PARD3B: variants seen among roughly 807,000 people sequenced by gnomAD.
PARD3B encodes par-3 family cell polarity regulator beta.
A neutral mutation model predicts 130.2 loss-of-function variants in PARD3B; 103 were observed. The ratio of observed to expected loss-of-function variants is 0.79; its 90% confidence interval spans 0.67 to 0.93. The LOEUF (loss-of-function observed/expected upper bound fraction) is 0.93. Among genes scored for constraint, PARD3B ranks in the 40% least tolerant of loss-of-function variants. PARD3B has a pLI of 0.00. For missense variants in PARD3B, 1,609 were observed against 1,499.2 expected (o/e 1.07, Z -1.21); for synonymous variants, 583 against 553.2 (o/e 1.05, Z -0.76).
chr2:205,243,132 C>T (rs948272998), intron 15 of PARD3B, among the ~76,000 whole-genome samples: 2 of 151,828 alleles, frequency 1.3e-5, no homozygotes, highest in Admixed American at 1.3e-4. Flanking sequence ...TGCCATTGCA[C>T]TTTAGCCTGG....
chr2:204,601,121 A>C (rs1034195375), intron 1 of PARD3B, among the ~76,000 whole-genome samples: 2 of 151,982 alleles, frequency 1.3e-5, no homozygotes, highest in African/African-American at 4.8e-5. Flanking sequence ...CTTCTCATGC[A>C]TATAACCTCG....
At chr2:205,317,232 A>G (rs1249719149) in intron 18 of PARD3B, among the ~76,000 whole-genome samples, 4 of 152,194 alleles carry the variant, frequency 2.6e-5, no homozygotes, top group Non-Finnish European at 1.5e-5. Context: ...GCCTTCTTGA[A>G]TGAAAGTTTT....
Position 205,125,703 on chromosome 2 carries a change from C to T in PARD3B, c.1400C>T (p.Ala467Val), listed in dbSNP as rs2031304682. ...GGGGAGACAGCATCGCTGGTCATTG[C>T]CCGCCAAGAAGGACATTTTCTGCCC... ...KQGETASLVI[A>V]RQEGHFLPRE... The change falls in exon 10 of 23, where the codon GCC becomes GTC. Residue 467 changes from alanine (A) to valine (V), a missense_variant. Ala to Val is a moderately conservative substitution (Grantham distance 64). Transcript: ENST00000406610. This position sits in a 1 kb window ranked among gnomAD's most constrained non-coding sequence, Gnocchi z 4.0. The T allele has an allele frequency of 2.5e-6, 4 of 1,614,128 alleles. No individual in the cohort carries two copies. The highest frequency in any genetic ancestry group is 3.4e-6 in the Non-Finnish European group (4 of 1,180,030).
In PARD3B at chr2:205,000,032, T is replaced by TA. The variant is rs111730004; in HGVS notation, c.394+34710dup. On this transcript the variant is annotated intron_variant, in intron 3 of 22. Transcript: ENST00000406610. ...TCAAGTCACAGGGTTTTTTTTTTTT[T>TA]ATCGTGCTCCTTTTGCCTGTGTGGA... 1.2e-4 allele frequency among the ~76,000 whole-genome samples: 18 copies of TA among 152,130 alleles called. 2 individuals carry two copies. Among genetic ancestry groups the TA allele is most frequent in the African/African-American group, 3.4e-4 (14 of 41,494 alleles).
chr2:205,489,565 T>TAC (rs1234367525), intron 20 of PARD3B, among the ~76,000 whole-genome samples: 1 of 146,206 alleles, frequency 6.8e-6, no homozygotes, highest in Admixed American at 6.9e-5. Context: ...TATACATATA[T>TAC]ATACACACAC....
At position 205,146,941 on chromosome 2, in the gene PARD3B, C is replaced by A. The variant is rs970226593; in HGVS notation, c.1435-11781C>A. ...ATGTTGGCCAGGCTGGTCTCGAACT[C>A]CTGACCTCAAGTGTTCTGCCTGCCT... is the stretch of plus-strand genomic sequence containing the variant. On this transcript the variant is annotated intron_variant, in intron 10 of 22. Coordinates refer to ENST00000406610, the MANE Select transcript of PARD3B (RefSeq NM_001302769.2). The surrounding 1 kb of genome is among the most constrained non-coding windows in gnomAD (Gnocchi z 4.3). 2.0e-5 allele frequency among the ~76,000 whole-genome samples: 3 copies of A among 152,034 alleles called. No homozygotes were observed. Among genetic ancestry groups the A allele is most frequent in the Admixed American group, 6.6e-5 (1 of 15,266 alleles).
chr2:204,868,443 A>G (rs1188518009), intron 2 of PARD3B, among the ~76,000 whole-genome samples: 1 of 152,144 alleles, frequency 6.6e-6, no homozygotes, highest in South Asian at 2.1e-4. Context: ...AGGATGTTGT[A>G]CATAATATAT....
At chr2:205,238,375 G>C (rs1015348334) in intron 15 of PARD3B, among the ~76,000 whole-genome samples, 1 of 152,168 alleles carries the variant, frequency 6.6e-6, no homozygotes, top group Non-Finnish European at 1.5e-5. Flanking sequence ...GGTTGCTGAG[G>C]CAGGAGGATC....
At chr2:204,762,094 CT>C (rs1359966745) in intron 2 of PARD3B, among the ~76,000 whole-genome samples, 1 of 127,798 alleles carries the variant, frequency 7.8e-6, no homozygotes, top group East Asian at 2.2e-4. Flanking sequence ...TAAAGATTTT[CT>C]TTTCTTTTCC....
chr2:205,425,523 A>G (rs1186962015), intron 19 of PARD3B, among the ~76,000 whole-genome samples: 1 of 147,332 alleles, frequency 6.8e-6, no homozygotes, highest in Non-Finnish European at 1.5e-5. Context: ...AAATCCCATT[A>G]GTTTAGAATA....
At chr2:205,068,005 G>A (rs1410489165) in intron 4 of PARD3B, among the ~76,000 whole-genome samples, 1 of 152,122 alleles carries the variant, frequency 6.6e-6, no homozygotes, top group Non-Finnish European at 1.5e-5. Flanking sequence ...AAAGAATTAA[G>A]GTTCATGCTT....
intron 18 of PARD3B, among the ~76,000 whole-genome samples, chr2:205,306,421 A>T (rs1451608797): frequency 6.6e-6 from 1 of 152,218 alleles, no homozygotes; most frequent in East Asian, 1.9e-4. Flanking sequence ...TAAAATATTT[A>T]ACTAAAATAG....
chr2:205,380,125 T>TATATAAAGA (rs2045260370), intron 18 of PARD3B, among the ~76,000 whole-genome samples: 1 of 97,330 alleles, frequency 1.0e-5, no homozygotes, highest in East Asian at 3.2e-4. Flanking sequence ...CATAATATAT[T>TATATAAAGA]ATATATATTA....
At chr2:204,707,178 A>G (rs1042082111) in intron 2 of PARD3B, among the ~76,000 whole-genome samples, 7 of 152,170 alleles carry the variant, frequency 4.6e-5, no homozygotes, top group Admixed American at 2.6e-4. Flanking sequence ...CTACACATGC[A>G]TATGTGTGCT....
intron 2 of PARD3B, among the ~76,000 whole-genome samples, chr2:204,766,978 T>TTTTTC (rs2041185989): frequency 7.8e-6 from 1 of 128,646 alleles, no homozygotes. Flanking sequence ...TTTTTTTTTT[T>TTTTTC]TTCACATTTT....
In PARD3B at chr2:205,460,545, C is replaced by T. The variant is rs1310810085; in HGVS notation, c.3044+19873C>T. ...ATTTAACTTTCTATTGATTACTTCT[C>T]TTGAGGTTATCATCTTTCTCCTAGT... On this transcript the variant is annotated intron_variant, in intron 20 of 22. Transcript: ENST00000406610. This position sits in a 1 kb window ranked among gnomAD's most constrained non-coding sequence, Gnocchi z 4.9. Among the ~76,000 whole-genome samples, 1 of 152,096 alleles carries T rather than the reference C, an allele frequency of 6.6e-6. No homozygotes were observed. Among genetic ancestry groups the T allele is most frequent in the Non-Finnish European group, 1.5e-5 (1 of 68,026 alleles).
chr2:205,448,731 T>G (rs558163928), intron 20 of PARD3B, among the ~76,000 whole-genome samples: 2 of 152,282 alleles, frequency 1.3e-5, no homozygotes, highest in Non-Finnish European at 1.5e-5. Context: ...TCAACACTCT[T>G]TGGGATCTTC....
rs143021776 is a variant in PARD3B at position 205,386,923 on chromosome 2, A to G, written c.2631-14090A>G. Among the ~76,000 whole-genome samples, 882 of 152,270 alleles carry G rather than the reference A, an allele frequency of 5.8e-3. 4 individuals are homozygous for G. The highest frequency in any genetic ancestry group is 0.041 in the Middle Eastern group (12 of 294). ...TCTTAATTTTTAAACCAATAAAAAT[A>G]TTTTGCAACAGATTTCTTCCTAACT... On this transcript the variant is annotated intron_variant, in intron 18 of 22. Transcript: ENST00000406610.
rs370266028 is a variant in PARD3B, at chr2:204,931,690, ATTCAGCC to A, written c.223-33456_223-33450del. ...AGATCTTTAAAATACTACAGATCTG[ATTCAGCC>A]TTCAGACCTGTTACTTACTGGCCCT... On this transcript the variant is annotated intron_variant, in intron 2 of 22. Transcript: ENST00000406610. Among the ~76,000 whole-genome samples, 379 of 151,968 alleles carry A rather than the reference ATTCAGCC, an allele frequency of 2.5e-3. 3 individuals carry two copies. The highest frequency in any genetic ancestry group is 8.6e-3 in the African/African-American group (357 of 41,466).
Sources: allele counts gnomAD v4.1 joint callset (sites outside exome capture counted in the v4.1 genomes callset), GRCh38; gene constraint gnomAD v4.1.1; non-coding constraint Gnocchi (gnomAD v3.1); transcripts MANE v1.5; gene names NCBI Gene and HGNC (gene_info 2026-07-23, HGNC 2026-07-21).